The following LUZP2 variants were observed in gnomAD, a reference collection of about 807,000 sequenced individuals.
LUZP2 encodes leucine zipper protein 2.
LUZP2 carries 52 observed loss-of-function variants against 51.6 expected under a neutral mutation model. That is an observed-to-expected ratio of 1.01 (90% confidence interval 0.81 to 1.27). The LOEUF (loss-of-function observed/expected upper bound fraction) is 1.27, where lower values mean the gene tolerates loss of function less well. Among genes scored for constraint, LUZP2 ranks in the 50% most tolerant of loss-of-function variants. The pLI, the probability that LUZP2 is intolerant of heterozygous loss-of-function variation, is 0.00. For synonymous variants in LUZP2, 154 were observed against 137.3 expected (o/e 1.12, Z -0.85); for missense variants, 436 against 395.4 (o/e 1.10, Z -0.87).
intron 5 of LUZP2, among the ~76,000 whole-genome samples, chr11:24,871,950 T>C (rs1373352678): frequency 6.6e-6 from 1 of 152,112 alleles, no homozygotes; most frequent in Non-Finnish European, 1.5e-5. Flanking sequence ...CTAACCTTGC[T>C]AAGGAACTAA....
intron 9 of LUZP2, among the ~76,000 whole-genome samples, chr11:25,047,928 C>G (rs928741607): frequency 6.6e-6 from 1 of 152,014 alleles, no homozygotes; most frequent in Non-Finnish European, 1.5e-5. Context: ...AAGCCATCTT[C>G]CAGCCTCAGC....
chr11:24,915,402 T>C (rs979174356), intron 7 of LUZP2, among the ~76,000 whole-genome samples: 2 of 152,100 alleles, frequency 1.3e-5, no homozygotes, highest in African/African-American at 4.8e-5. Flanking sequence ...TATTGTGTCT[T>C]CATCAAACTA....
At chr11:24,663,832 T>A (rs1024813488) in intron 1 of LUZP2, among the ~76,000 whole-genome samples, 1 of 152,188 alleles carries the variant, frequency 6.6e-6, no homozygotes, top group African/African-American at 2.4e-5. Flanking sequence ...CCCCTTCACT[T>A]GGCTCTCATT....
chr11:24,880,774 ATG>A (rs1852437253), intron 5 of LUZP2, among the ~76,000 whole-genome samples: 2 of 151,542 alleles, frequency 1.3e-5, no homozygotes, highest in Admixed American at 6.6e-5. Context: ...GTGTGTGTGT[ATG>A]TGTGTGTTTG....
At chr11:25,054,799 C>G (rs1056927630) in intron 10 of LUZP2, among the ~76,000 whole-genome samples, 3 of 151,826 alleles carry the variant, frequency 2.0e-5, no homozygotes, top group African/African-American at 7.3e-5. Flanking sequence ...ATACAGGTAT[C>G]CTTGGTTACT....
rs568877492 is a variant in LUZP2, at chr11:24,852,256, T to A, written c.397-53735T>A. On this transcript the variant is annotated intron_variant, in intron 5 of 11. Coordinates refer to ENST00000336930, the MANE Select transcript of LUZP2 (RefSeq NM_001009909.4). ...CTGTGGGCATTTAGTGATATAAATT[T>A]CCCTCTAAACACTGCTTTAGCTGTG... 3.5e-4 allele frequency among the ~76,000 whole-genome samples: 53 copies of A among 152,342 alleles called. 1 individual carries two copies. The South Asian group carries it at 0.01, about 29-fold the overall frequency.
At chr11:24,576,957 A>C (rs1169180126) in intron 1 of LUZP2, among the ~76,000 whole-genome samples, 1 of 152,110 alleles carries the variant, frequency 6.6e-6, no homozygotes, top group Admixed American at 6.6e-5. Flanking sequence ...ATGTTCAATC[A>C]GAAGAAATTG....
At chr11:24,852,654 T>A (rs915507156) in intron 5 of LUZP2, among the ~76,000 whole-genome samples, 1 of 152,122 alleles carries the variant, frequency 6.6e-6, no homozygotes, top group African/African-American at 2.4e-5. Context: ...AAGTCCTGAG[T>A]ATCTTTGTTA....
At chr11:24,978,084 C>T (rs1391520399) in intron 8 of LUZP2, among the ~76,000 whole-genome samples, 1 of 151,400 alleles carries the variant, frequency 6.6e-6, no homozygotes, top group Non-Finnish European at 1.5e-5. Context: ...AGGAGCTTAC[C>T]TTCTAACCAT....
intron 7 of LUZP2, among the ~76,000 whole-genome samples, chr11:24,959,108 A>G (rs904714657): frequency 2.0e-5 from 3 of 151,956 alleles, no homozygotes; most frequent in African/African-American, 7.2e-5. Context: ...TGTTCCATTG[A>G]TCTATATCTC....
chr11:24,562,620 G>C (rs528458778), intron 1 of LUZP2, among the ~76,000 whole-genome samples: 48 of 151,712 alleles, frequency 3.2e-4, no homozygotes, highest in African/African-American at 1.2e-3. Context: ...TTGGGAGGCT[G>C]AGGCGAGCAG....
chr11:24,891,914 T>G (rs1852867656), intron 5 of LUZP2: 2 of 985,604 alleles, frequency 2.0e-6, no homozygotes, highest in Non-Finnish European at 2.4e-6. Context: ...AGGGAGAATT[T>G]ATAATGGAAA....
intron 9 of LUZP2, among the ~76,000 whole-genome samples, chr11:24,994,311 A>G (rs1374742427): frequency 6.6e-6 from 1 of 152,094 alleles, no homozygotes; most frequent in Non-Finnish European, 1.5e-5. Flanking sequence ...GTTTACTTCT[A>G]TATGTTGTAT....
At chr11:24,792,815 A>G (rs1849444060) in intron 5 of LUZP2, among the ~76,000 whole-genome samples, 1 of 152,182 alleles carries the variant, frequency 6.6e-6, no homozygotes, top group African/African-American at 2.4e-5. Context: ...TTCTCCCTGC[A>G]TGAACTTGGT....
At chr11:24,657,880 C>A (rs1336340188) in intron 1 of LUZP2, among the ~76,000 whole-genome samples, 1 of 152,114 alleles carries the variant, frequency 6.6e-6, no homozygotes, top group South Asian at 2.1e-4. Flanking sequence ...ATGTGAAGAA[C>A]CTCTTCAAGG....
rs186722320 is a variant in LUZP2, at chr11:24,569,278, T to C, written c.62+71973T>C. On this transcript the variant is annotated intron_variant, in intron 1 of 11. Coordinates refer to ENST00000336930, the MANE Select transcript of LUZP2 (RefSeq NM_001009909.4). The stretch of plus-strand genomic sequence containing the variant: ...ACAAAACAAAATACAAAAGCAAAAA[T>C]TAATTCAGCATATAGTATTTTCAAG... 4.5e-4 allele frequency among the ~76,000 whole-genome samples: 69 copies of C among 152,126 alleles called. 1 individual carries two copies. Among genetic ancestry groups the C allele is most frequent in the African/African-American group, 1.6e-3 (67 of 41,566 alleles).
At chr11:24,814,874 C>A (rs1248735741) in intron 5 of LUZP2, among the ~76,000 whole-genome samples, 1 of 151,970 alleles carries the variant, frequency 6.6e-6, no homozygotes, top group Non-Finnish European at 1.5e-5. Flanking sequence ...CGCCTGTAGT[C>A]CCAGCTACTC....
intron 9 of LUZP2, among the ~76,000 whole-genome samples, chr11:24,985,891 A>C (rs1377637793): frequency 6.6e-6 from 1 of 151,686 alleles, no homozygotes; most frequent in East Asian, 1.9e-4. Flanking sequence ...GAAATAAATA[A>C]AATTACCTGA....
At position 25,000,161 on chromosome 11, in the gene LUZP2, C is replaced by T. The variant is rs139320429; in HGVS notation, c.765+16868C>T. Among the ~76,000 whole-genome samples, 1,150 of 152,104 alleles carry T rather than the reference C, an allele frequency of 7.6e-3. 31 individuals are homozygous for T. The East Asian group carries it at 0.094, about 12-fold the overall frequency. On this transcript the variant is annotated intron_variant, in intron 9 of 11. Coordinates refer to ENST00000336930, the MANE Select transcript of LUZP2 (RefSeq NM_001009909.4). The stretch of plus-strand genomic sequence containing the variant: ...TGGTGCATTTTTACAGAGTGCTGAT[C>T]GGTGTGTTTACAAACCTTTAGCTAG...
Sources: gnomAD v4.1 joint callset for allele counts (sites outside exome capture counted in the v4.1 genomes callset) on GRCh38, gnomAD v4.1.1 for gene constraint, MANE v1.5 for transcripts, NCBI Gene and HGNC (gene_info 2026-07-23, HGNC 2026-07-21) for gene names.